SGCZ: variants seen among roughly 807,000 people sequenced by gnomAD.
SGCZ encodes the protein zeta-sarcoglycan.
SGCZ carries 40 observed loss-of-function variants against 41.3 expected under a neutral mutation model. The ratio of observed to expected loss-of-function variants is 0.97; its 90% CI spans 0.75 to 1.26. The LOEUF (loss-of-function observed/expected upper bound fraction) is 1.26, where lower values mean the gene tolerates loss of function less well. Ranked by LOEUF, SGCZ falls within the 50% of genes most tolerant of loss-of-function variation. The pLI, the probability that SGCZ is intolerant of heterozygous loss-of-function variation, is 0.00. For missense variants in SGCZ, 552 were observed against 369.8 expected (o/e 1.49, Z -4.04); for synonymous variants, 206 against 137.5 (o/e 1.50, Z -3.49).
At chr8:14,644,957 A>AG (rs1332328358) in intron 1 of SGCZ, among the ~76,000 whole-genome samples, 1 of 151,112 alleles carries the variant, frequency 6.6e-6, no homozygotes, top group Admixed American at 6.6e-5. Flanking sequence ...TAAATAAAAA[A>AG]AAAAAGTCTC....
intron 1 of SGCZ, among the ~76,000 whole-genome samples, chr8:14,654,072 A>G (rs766393671): frequency 1.3e-5 from 2 of 152,094 alleles, no homozygotes; most frequent in African/African-American, 2.4e-5. Flanking sequence ...TGCCAAAATA[A>G]TAAGAGTCAT....
chr8:15,055,379 T>A (rs73522835), intron 1 of SGCZ, among the ~76,000 whole-genome samples: 9 of 152,206 alleles, frequency 5.9e-5, no homozygotes, highest in African/African-American at 2.2e-4. Context: ...TTCATAGTTA[T>A]GGCAGACCTT....
intron 1 of SGCZ, among the ~76,000 whole-genome samples, chr8:14,564,780 C>CA (rs2117215343): frequency 6.6e-6 from 1 of 152,200 alleles, no homozygotes; most frequent in African/African-American, 2.4e-5. Flanking sequence ...TCTGCTCCAA[C>CA]AAAATGAGTC....
chr8:14,216,292 T>G (rs1805991176), intron 4 of SGCZ, among the ~76,000 whole-genome samples: 1 of 152,152 alleles, frequency 6.6e-6, no homozygotes, highest in African/African-American at 2.4e-5. Flanking sequence ...CCGAGAAGTT[T>G]TGTGTCCTTT....
chr8:14,941,845 G>A (rs573241318), intron 1 of SGCZ, among the ~76,000 whole-genome samples: 1 of 151,048 alleles, frequency 6.6e-6, no homozygotes, highest in South Asian at 2.1e-4. Flanking sequence ...TTATATATGT[G>A]TAAATATATG....
chr8:14,702,930 TA>T (rs1302656947), intron 1 of SGCZ, among the ~76,000 whole-genome samples: 5 of 60,504 alleles, frequency 8.3e-5, no homozygotes, highest in African/African-American at 2.3e-4. Context: ...GGTAGGTAGA[TA>T]GATAGATAGA....
At chr8:14,185,389 C>G (rs1434381913) in intron 4 of SGCZ, among the ~76,000 whole-genome samples, 1 of 151,954 alleles carries the variant, frequency 6.6e-6, no homozygotes, top group Non-Finnish European at 1.5e-5. Context: ...GGCAACAGAG[C>G]AAGACTGTCT....
At chr8:14,837,378 C>T (rs1802736008) in intron 1 of SGCZ, among the ~76,000 whole-genome samples, 1 of 152,140 alleles carries the variant, frequency 6.6e-6, no homozygotes, top group South Asian at 2.1e-4. Flanking sequence ...TTAGTGTTTC[C>T]AAGGAATCGT....
At chr8:14,323,133 A>T (rs1801985324) in intron 3 of SGCZ, among the ~76,000 whole-genome samples, 1 of 152,102 alleles carries the variant, frequency 6.6e-6, no homozygotes, top group African/African-American at 2.4e-5. Flanking sequence ...TAAAAAAGAA[A>T]TTTAAAGTTA....
chr8:14,745,815 T>C (rs968302733), intron 1 of SGCZ, among the ~76,000 whole-genome samples: 2 of 152,006 alleles, frequency 1.3e-5, no homozygotes, highest in African/African-American at 4.8e-5. Flanking sequence ...TACAACCAAG[T>C]AGGGAATTTA....
At chr8:14,170,533 A>C (rs1443070047) in intron 4 of SGCZ, among the ~76,000 whole-genome samples, 2 of 152,146 alleles carry the variant, frequency 1.3e-5, no homozygotes, top group African/African-American at 4.8e-5. Context: ...TAAGAGGATA[A>C]GGTAAAAATG....
intron 1 of SGCZ, among the ~76,000 whole-genome samples, chr8:15,026,184 T>C (rs1244849539): frequency 6.6e-6 from 1 of 152,118 alleles, no homozygotes; most frequent in Non-Finnish European, 1.5e-5. Flanking sequence ...AAAACATTTC[T>C]TTAGGTTGGC....
At chr8:14,242,337 T>G (rs1585269832) in intron 3 of SGCZ, among the ~76,000 whole-genome samples, 1 of 152,166 alleles carries the variant, frequency 6.6e-6, no homozygotes, top group Non-Finnish European at 1.5e-5. Context: ...ACTTTACATA[T>G]ATGAGATCAT....
chr8:14,120,091 C>T (rs150229405), intron 5 of SGCZ, among the ~76,000 whole-genome samples: 12 of 152,094 alleles, frequency 7.9e-5, no homozygotes, highest in East Asian at 1.9e-4. Context: ...TAAAGGCTCA[C>T]ATTTATTCCT....
At chr8:15,061,793 T>A (rs10101583) in intron 1 of SGCZ, among the ~76,000 whole-genome samples, 1 of 151,876 alleles carries the variant, frequency 6.6e-6, no homozygotes, top group Non-Finnish European at 1.5e-5. Flanking sequence ...CTATCATTTA[T>A]AAACTACCCA....
rs571313306 is a variant in SGCZ at position 14,830,576 on chromosome 8, A to G, written c.40-275650T>C. 3.3e-5 allele frequency among the ~76,000 whole-genome samples: 5 copies of G among 152,328 alleles called. 1 individual carries two copies. Among genetic ancestry groups the G allele is most frequent in the South Asian group, 4.1e-4 (2 of 4,834 alleles). Reference sequence around the variant, plus strand: ...TAATCACAGATAACTGTGAAAGTCCATAAAATTCTAGTGTGCTATTTATTG... The same window carrying G: ...TAATCACAGATAACTGTGAAAGTCCGTAAAATTCTAGTGTGCTATTTATTG... On this transcript the variant is annotated intron_variant, in intron 1 of 7. Transcript: ENST00000382080.
At chr8:15,079,782 G>C (rs1247499861) in intron 1 of SGCZ, among the ~76,000 whole-genome samples, 1 of 152,098 alleles carries the variant, frequency 6.6e-6, no homozygotes, top group Non-Finnish European at 1.5e-5. Context: ...TGATTAAATA[G>C]GTATATTGTG....
chr8:14,311,636 A>T (rs1480604518), intron 3 of SGCZ, among the ~76,000 whole-genome samples: 7 of 152,230 alleles, frequency 4.6e-5, no homozygotes, highest in Non-Finnish European at 8.8e-5. Flanking sequence ...TTGTGAAACA[A>T]GAATAAAACA....
intron 1 of SGCZ, among the ~76,000 whole-genome samples, chr8:15,215,146 C>G (rs1801358616): frequency 6.6e-6 from 1 of 152,024 alleles, no homozygotes; most frequent in African/African-American, 2.4e-5. Context: ...GTTTATATGC[C>G]TCTTAGTTAA....
Sources: allele counts gnomAD v4.1 joint callset (sites outside exome capture counted in the v4.1 genomes callset), GRCh38; gene constraint gnomAD v4.1.1; transcripts MANE v1.5; gene names NCBI Gene and HGNC (gene_info 2026-07-23, HGNC 2026-07-21).